WDPCP: variants seen among roughly 807,000 people sequenced by gnomAD.
WDPCP encodes the protein WD repeat containing planar cell polarity effector.
Under a neutral mutation model 93.1 loss-of-function variants are expected in WDPCP, and 71 were observed. That is an observed-to-expected ratio of 0.76 (90% CI 0.63 to 0.93). WDPCP has a LOEUF of 0.93. Ranked by LOEUF, WDPCP falls within the 40% of genes least tolerant of loss-of-function variation. WDPCP has a pLI of 0.00. For synonymous variants in WDPCP, 315 were observed against 315.0 expected (o/e 1.00, Z 0.00); for missense variants, 844 against 887.4 (o/e 0.95, Z 0.62).
At chr2:63,773,502 TCATCTAA>T in intron 2 of WDPCP, among the ~76,000 whole-genome samples, 1 of 152,174 alleles carries the variant, frequency 6.6e-6, no homozygotes, top group Non-Finnish European at 1.5e-5. Flanking sequence ...CCTTATTTCT[TCATCTAA>T]GTAGACATAA....
intron 17 of WDPCP, among the ~76,000 whole-genome samples, chr2:63,140,102 T>C (rs1158133125): frequency 1.3e-5 from 2 of 152,216 alleles, no homozygotes; most frequent in Non-Finnish European, 2.9e-5. Context: ...TTGTTTGCTT[T>C]GTTGAAAATC....
At chr2:63,274,323 C>G (rs1382944393) in intron 13 of WDPCP, among the ~76,000 whole-genome samples, 1 of 151,960 alleles carries the variant, frequency 6.6e-6, no homozygotes, top group Non-Finnish European at 1.5e-5. Flanking sequence ...CATACTAAAA[C>G]CAATAGGATA....
intron 14 of WDPCP, among the ~76,000 whole-genome samples, chr2:63,183,078 C>G (rs748082484): frequency 6.6e-6 from 1 of 151,696 alleles, no homozygotes; most frequent in Non-Finnish European, 1.5e-5. Context: ...ATTTTATCAA[C>G]GAACCAACTT....
At chr2:63,429,946 C>G (rs772843067) in intron 9 of WDPCP, among the ~76,000 whole-genome samples, 2 of 146,610 alleles carry the variant, frequency 1.4e-5, no homozygotes, top group Non-Finnish European at 1.5e-5. Flanking sequence ...AGGTGCCCAT[C>G]GAATGGTGGA....
chr2:63,149,671 A>C (rs1179445686), intron 17 of WDPCP, among the ~76,000 whole-genome samples: 1 of 152,258 alleles, frequency 6.6e-6, no homozygotes, highest in Non-Finnish European at 1.5e-5. Context: ...ACATACCTAC[A>C]TCTACATATG....
In WDPCP at chr2:63,809,078, C is replaced by G. The variant is rs1430196475; in HGVS notation, n.308+4544G>C. Among the ~76,000 whole-genome samples the G allele has an allele frequency of 2.6e-5, 4 of 151,860 alleles. No individual in the cohort carries two copies. In the East Asian group the frequency reaches 7.9e-4, roughly 30 times the overall value. ...GAGCGTCTCTGACCGGCCGCCCCGTCTGAGAAGTGAGGAGTCCCTCCGCCC... is the reference window on the plus strand; with the variant it reads ...GAGCGTCTCTGACCGGCCGCCCCGTGTGAGAAGTGAGGAGTCCCTCCGCCC... On this transcript the variant is annotated intron_variant and non_coding_transcript_variant, in intron 2 of 4. Transcript: ENST00000467687.
At chr2:63,267,711 TAC>T (rs2104831534) in intron 13 of WDPCP, among the ~76,000 whole-genome samples, 1 of 152,172 alleles carries the variant, frequency 6.6e-6, no homozygotes, top group South Asian at 2.1e-4. Context: ...TGCCAACAGA[TAC>T]ATGAAAAACA....
chr2:63,768,660 C>T (rs1370043179), intron 2 of WDPCP, among the ~76,000 whole-genome samples: 1 of 152,036 alleles, frequency 6.6e-6, no homozygotes, highest in Non-Finnish European at 1.5e-5. Context: ...TTGCAGGCAG[C>T]TCTGACTGCT....
chr2:63,832,761 T>C (rs1285185784), upstream of WDPCP, among the ~76,000 whole-genome samples: 1 of 152,232 alleles, frequency 6.6e-6, no homozygotes, highest in Non-Finnish European at 1.5e-5. Flanking sequence ...AGCACTATGA[T>C]ACACTCTGGG....
intron 1 of WDPCP, among the ~76,000 whole-genome samples, chr2:63,514,764 T>C (rs755133702): frequency 6.6e-6 from 1 of 152,106 alleles, no homozygotes; most frequent in African/African-American, 2.4e-5. Flanking sequence ...AACCCTGCAA[T>C]TGAAGCCACA....
chr2:63,172,275 G>A (rs1389130135), intron 15 of WDPCP, among the ~76,000 whole-genome samples: 1 of 152,204 alleles, frequency 6.6e-6, no homozygotes, highest in Non-Finnish European at 1.5e-5. Flanking sequence ...AAAGGCCGAG[G>A]CAAAAGGATC....
At chr2:63,234,091 A>G (rs1008448909) in intron 14 of WDPCP, among the ~76,000 whole-genome samples, 1 of 152,212 alleles carries the variant, frequency 6.6e-6, no homozygotes, top group African/African-American at 2.4e-5. Flanking sequence ...GAGATAATGT[A>G]TGAACAGTGT....
chr2:63,575,489 A>ATGCGCT, intron 1 of WDPCP, among the ~76,000 whole-genome samples: 1 of 17,288 alleles, frequency 5.8e-5, no homozygotes, highest in South Asian at 3.0e-3. Context: ...GTGTATATAT[A>ATGCGCT]GTATATACAG....
chr2:63,365,801 A>G (rs995571096), intron 12 of WDPCP, among the ~76,000 whole-genome samples: 6 of 152,218 alleles, frequency 3.9e-5, no homozygotes, highest in African/African-American at 1.4e-4. Flanking sequence ...TGTAAAAAAT[A>G]TAAGTTCATT....
chr2:63,142,509 T>C (rs1204188477), intron 17 of WDPCP, among the ~76,000 whole-genome samples: 1 of 152,234 alleles, frequency 6.6e-6, no homozygotes, highest in East Asian at 1.9e-4. Context: ...GTGCTTGATA[T>C]AATTTCAATT....
intron 12 of WDPCP, among the ~76,000 whole-genome samples, chr2:63,317,217 T>C (rs930627699): frequency 2.0e-5 from 3 of 151,974 alleles, no homozygotes; most frequent in Admixed American, 1.3e-4. Flanking sequence ...TGGTGGCTCA[T>C]ACCTGTAATC....
intron 15 of WDPCP, among the ~76,000 whole-genome samples, chr2:63,170,245 C>A (rs976751247): frequency 2.0e-5 from 3 of 150,826 alleles, no homozygotes; most frequent in Non-Finnish European, 4.4e-5. Context: ...CTGTCCATTT[C>A]TATTTTCCAT....
intron 14 of WDPCP, among the ~76,000 whole-genome samples, chr2:63,214,938 G>A (rs1677185372): frequency 6.6e-6 from 1 of 152,108 alleles, no homozygotes; most frequent in Admixed American, 6.5e-5. Context: ...ACCACTTCAA[G>A]GAGAATTACA....
intron 7 of WDPCP, chr2:63,437,900 TAA>T (rs1195130441): frequency 6.3e-7 from 1 of 1,594,126 alleles, no homozygotes; most frequent in Non-Finnish European, 8.5e-7. Context: ...TTATTTGTGC[TAA>T]GAGTTTAATC....
Sources: gnomAD v4.1 joint callset for allele counts (sites outside exome capture counted in the v4.1 genomes callset) on GRCh38, gnomAD v4.1.1 for gene constraint, MANE v1.5 for transcripts, NCBI Gene and HGNC (gene_info 2026-07-23, HGNC 2026-07-21) for gene names.